RAD51B: variants seen among roughly 807,000 people sequenced by gnomAD.
The protein encoded by RAD51B is DNA repair protein RAD51 homolog 2.
In RAD51B, 38 loss-of-function variants were observed where a neutral mutation model predicts 42.2. The observed-to-expected ratio is 0.90, with a 90% CI of 0.70 to 1.18. The LOEUF (loss-of-function observed/expected upper bound fraction) is 1.18. Ranked by LOEUF, RAD51B falls within the 50% of genes most tolerant of loss-of-function variation. The pLI is 0.00. For missense variants in RAD51B, 373 were observed against 400.7 expected, an observed-to-expected ratio of 0.93 and a Z score of 0.59; for synonymous variants, 154 against 145.2, an observed-to-expected ratio of 1.06 and a Z score of -0.43.
chr14:68,580,977 C>T (rs1226009279), intron 10 of RAD51B, among the ~76,000 whole-genome samples: 1 of 152,176 alleles, frequency 6.6e-6, no homozygotes, highest in East Asian at 1.9e-4. Context: ...TTTCTTCCCT[C>T]CTGTGAGATT....
intron 7 of RAD51B, among the ~76,000 whole-genome samples, chr14:68,107,893 C>T (rs1204193246): frequency 2.0e-5 from 3 of 151,706 alleles, no homozygotes; most frequent in African/African-American, 7.3e-5. Context: ...CCTTGAAAGA[C>T]AGTCCACAGA....
At chr14:68,378,629 T>C (rs1238489738) in intron 8 of RAD51B, among the ~76,000 whole-genome samples, 1 of 152,192 alleles carries the variant, frequency 6.6e-6, no homozygotes, top group East Asian at 1.9e-4. Context: ...TAAATAGTTA[T>C]CATGCTGTAT....
chr14:67,886,930 A>G, intron 6 of RAD51B, 91 bp from the exon 7 acceptor site: 1 of 795,212 alleles, frequency 1.3e-6, no homozygotes, highest in Non-Finnish European at 1.9e-6. Flanking sequence ...AGAATAGTTT[A>G]TTGTTTTTAA....
chr14:68,662,713 T>C (rs1892957642), intron 11 of RAD51B, among the ~76,000 whole-genome samples: 1 of 152,246 alleles, frequency 6.6e-6, no homozygotes, highest in South Asian at 2.1e-4. Context: ...TCATCTTTTT[T>C]CTTGGTAAAT....
At chr14:68,536,836 C>G (rs1594952416) in intron 10 of RAD51B, among the ~76,000 whole-genome samples, 2 of 151,520 alleles carry the variant, frequency 1.3e-5, no homozygotes, top group African/African-American at 4.9e-5. Flanking sequence ...AATCCCAGCA[C>G]TTTGGGAGGC....
intron 7 of RAD51B, among the ~76,000 whole-genome samples, chr14:68,137,877 C>T (rs557267802): frequency 1.6e-4 from 24 of 152,268 alleles, no homozygotes; most frequent in Admixed American, 3.3e-4. Flanking sequence ...ACAGATGAGG[C>T]GCTCCATTAG....
At chr14:68,608,128 G>A (rs947453738) in intron 10 of RAD51B, among the ~76,000 whole-genome samples, 1 of 152,196 alleles carries the variant, frequency 6.6e-6, no homozygotes, top group Non-Finnish European at 1.5e-5. Flanking sequence ...CACCCCAGGT[G>A]CAGCTGGGCA....
At chr14:68,496,986 G>T in intron 10 of RAD51B, 1 of 760,928 alleles carries the variant, frequency 1.3e-6, no homozygotes, top group Non-Finnish European at 1.9e-6. Context: ...AAATGAGGTT[G>T]GAACAAACAG....
chr14:67,875,386 A>G (rs1009611154), intron 5 of RAD51B, among the ~76,000 whole-genome samples: 1 of 152,182 alleles, frequency 6.6e-6, no homozygotes, highest in African/African-American at 2.4e-5. Flanking sequence ...TTCCCCACAG[A>G]TAGTTATCTT....
rs1164294918 is a variant in RAD51B, at chr14:67,978,147, C to T, written c.756+90943C>T. On this transcript the variant is annotated intron_variant, in intron 7 of 10. Coordinates refer to ENST00000471583, the MANE Select transcript of RAD51B (RefSeq NM_133510.4). Reference sequence around the variant, plus strand: ...TCTATGATTTGGGCTATTATTTGCACATTTTTGGCTTTCCTGTGGCTAAAC... The same window carrying T: ...TCTATGATTTGGGCTATTATTTGCATATTTTTGGCTTTCCTGTGGCTAAAC... Among the ~76,000 whole-genome samples, 9 of 152,142 alleles carry T rather than the reference C, an allele frequency of 5.9e-5. No homozygotes were observed. In the East Asian group the frequency reaches 1.5e-3, roughly 26 times the overall value.
chr14:68,279,363 A>C (rs1372701544), intron 7 of RAD51B, among the ~76,000 whole-genome samples: 4 of 152,222 alleles, frequency 2.6e-5, no homozygotes, highest in Non-Finnish European at 5.9e-5. Context: ...TCAGAACTCC[A>C]GGATTCTGAA....
At chr14:68,409,921 T>C (rs2084374502) in intron 8 of RAD51B, among the ~76,000 whole-genome samples, 1 of 152,262 alleles carries the variant, frequency 6.6e-6, no homozygotes, top group Admixed American at 6.5e-5. Flanking sequence ...TTTCTTACAC[T>C]AAATTCTCTT....
At chr14:67,823,372 G>T (rs956912881) in intron 1 of RAD51B, 170 bp from the exon 2 acceptor site, 5 of 496,744 alleles carry the variant, frequency 1.0e-5, no homozygotes, top group Non-Finnish European at 1.4e-5. Flanking sequence ...CATTTAAAAA[G>T]GTTCTATAGC....
At chr14:68,204,810 A>C (rs1374600688) in intron 7 of RAD51B, among the ~76,000 whole-genome samples, 2 of 152,188 alleles carry the variant, frequency 1.3e-5, no homozygotes, top group Non-Finnish European at 2.9e-5. Context: ...AAAATTGAAA[A>C]ACTCCCAAAT....
intron 11 of RAD51B, among the ~76,000 whole-genome samples, chr14:68,656,833 G>A (rs964507276): frequency 5.3e-5 from 8 of 152,176 alleles, no homozygotes; most frequent in Non-Finnish European, 1.5e-5. Flanking sequence ...TGGGTCACTT[G>A]TCCCCTCTGC....
At chr14:68,088,646 G>C (rs1369217544) in intron 7 of RAD51B, among the ~76,000 whole-genome samples, 1 of 141,500 alleles carries the variant, frequency 7.1e-6, no homozygotes, top group Non-Finnish European at 1.5e-5. Flanking sequence ...GAGAGACAGA[G>C]AGAGAGAGGT....
intron 7 of RAD51B, among the ~76,000 whole-genome samples, chr14:67,986,733 A>G (rs1471363841): frequency 2.6e-5 from 4 of 151,982 alleles, no homozygotes; most frequent in East Asian, 1.9e-4. Flanking sequence ...GGCTGCTTCT[A>G]TCTATGGTTT....
At chr14:67,907,846 G>A (rs2043828453) in intron 7 of RAD51B, among the ~76,000 whole-genome samples, 1 of 151,322 alleles carries the variant, frequency 6.6e-6, no homozygotes, top group African/African-American at 2.5e-5. Flanking sequence ...TTAAGGGAAG[G>A]TTTATTGTTG....
intron 7 of RAD51B, among the ~76,000 whole-genome samples, chr14:68,151,586 C>T (rs979642945): frequency 6.6e-6 from 1 of 151,936 alleles, no homozygotes; most frequent in Non-Finnish European, 1.5e-5. Flanking sequence ...TAATGTCCCA[C>T]AGCTCCATTC....
Sources: gnomAD v4.1 joint callset for allele counts (sites outside exome capture counted in the v4.1 genomes callset) on GRCh38, gnomAD v4.1.1 for gene constraint, MANE v1.5 for transcripts, NCBI Gene and HGNC (gene_info 2026-07-23, HGNC 2026-07-21) for gene names.